Variants in NLGN1 observed in about 807,000 individuals in gnomAD.
The protein encoded by NLGN1 is neuroligin 1, also known as neuroligin-1.
Under a neutral mutation model 65.5 loss-of-function variants are expected in NLGN1, and 12 were observed. The ratio of observed to expected loss-of-function variants is 0.18; its 90% confidence interval spans 0.12 to 0.30. The LOEUF (loss-of-function observed/expected upper bound fraction) is 0.30. Among genes scored for constraint, NLGN1 ranks in the 10% least tolerant of loss-of-function variants. The pLI is 1.00. For missense variants in NLGN1, 750 were observed against 1,007.1 expected (o/e 0.74, Z 3.46); for synonymous variants, 350 against 359.5 (o/e 0.97, Z 0.30).
At chr3:173,535,704 A>G (rs1277530859) in intron 2 of NLGN1, among the ~76,000 whole-genome samples, 1 of 152,228 alleles carries the variant, frequency 6.6e-6, no homozygotes, top group Non-Finnish European at 1.5e-5. Flanking sequence ...TAATGGATTT[A>G]TACATTTTTA....
At chr3:173,970,807 T>G (rs535904887) in intron 4 of NLGN1, among the ~76,000 whole-genome samples, 28 of 152,260 alleles carry the variant, frequency 1.8e-4, no homozygotes, top group African/African-American at 6.3e-4. Context: ...GAGTAGCTGG[T>G]GCTGCTGATT....
intron 4 of NLGN1, among the ~76,000 whole-genome samples, chr3:174,168,507 T>C (rs528029818): frequency 1.3e-5 from 2 of 152,322 alleles, no homozygotes; most frequent in Admixed American, 6.5e-5. Flanking sequence ...TTTATAGCTC[T>C]ATGCACATCT....
intron 2 of NLGN1, among the ~76,000 whole-genome samples, chr3:173,461,064 A>G (rs1456170583): frequency 6.6e-6 from 1 of 152,172 alleles, no homozygotes; most frequent in Non-Finnish European, 1.5e-5. Context: ...TCTAGAAACT[A>G]TTGAGCACCA....
At chr3:174,173,895 G>C (rs1360607680) in intron 4 of NLGN1, among the ~76,000 whole-genome samples, 1 of 151,862 alleles carries the variant, frequency 6.6e-6, no homozygotes, top group Non-Finnish European at 1.5e-5. Context: ...TTATTTAGTG[G>C]TTATTTGTGA....
intron 4 of NLGN1, among the ~76,000 whole-genome samples, chr3:174,272,222 C>A (rs1170353451): frequency 6.6e-6 from 1 of 151,606 alleles, no homozygotes; most frequent in Non-Finnish European, 1.5e-5. Flanking sequence ...AATGACTGGA[C>A]TATAGTTGAG....
At chr3:173,805,105 C>T (rs1431865456) in intron 3 of NLGN1, among the ~76,000 whole-genome samples, 3 of 152,080 alleles carry the variant, frequency 2.0e-5, no homozygotes, top group African/African-American at 7.2e-5. Context: ...CATTTTTTTC[C>T]TGTAACAGAA....
chr3:173,773,511 G>T (rs1779877975), intron 3 of NLGN1, among the ~76,000 whole-genome samples: 1 of 151,968 alleles, frequency 6.6e-6, no homozygotes, highest in Admixed American at 6.6e-5. Context: ...AAAGTATAGT[G>T]CCATTATTGA....
chr3:174,263,364 C>T (rs1356087943), intron 4 of NLGN1, among the ~76,000 whole-genome samples: 1 of 148,030 alleles, frequency 6.8e-6, no homozygotes, highest in Non-Finnish European at 1.5e-5. Context: ...AATCTGGGTG[C>T]TCCTGTATTG....
chr3:174,232,203 T>G (rs1026412568), intron 4 of NLGN1, among the ~76,000 whole-genome samples: 3 of 151,526 alleles, frequency 2.0e-5, no homozygotes, highest in Non-Finnish European at 4.4e-5. Flanking sequence ...CAAAGGGGGG[T>G]TGTTCTCTGG....
At chr3:174,066,668 A>G (rs747770185) in intron 4 of NLGN1, among the ~76,000 whole-genome samples, 2 of 151,816 alleles carry the variant, frequency 1.3e-5, no homozygotes, top group Non-Finnish European at 2.9e-5. Context: ...ATCAACAAAT[A>G]TGTATTACAT....
At chr3:173,934,976 A>G (rs1028922171) in intron 4 of NLGN1, among the ~76,000 whole-genome samples, 12 of 152,140 alleles carry the variant, frequency 7.9e-5, no homozygotes, top group African/African-American at 2.6e-4. Context: ...AGGTATTATT[A>G]TTTCCATTAT....
chr3:174,265,400 C>T (rs934534325), intron 4 of NLGN1, among the ~76,000 whole-genome samples: 5 of 152,144 alleles, frequency 3.3e-5, no homozygotes, highest in African/African-American at 4.8e-5. Flanking sequence ...TTTTTTAAGC[C>T]GGTCCGAAAA....
chr3:173,827,957 C>A (rs71310563), intron 4 of NLGN1, among the ~76,000 whole-genome samples: 18,510 of 151,944 alleles, frequency 0.12, 1,203 homozygotes, highest in African/African-American at 0.16. Flanking sequence ...ATACTGATTT[C>A]AATGCTCATC....
intron 3 of NLGN1, among the ~76,000 whole-genome samples, chr3:173,713,467 T>C (rs1769326983): frequency 6.6e-6 from 1 of 152,090 alleles, no homozygotes. Context: ...AGGAGAAGAA[T>C]GGCACCAAAC....
intron 4 of NLGN1, among the ~76,000 whole-genome samples, chr3:173,954,301 G>T (rs1008160309): frequency 7.9e-5 from 12 of 152,084 alleles, no homozygotes; most frequent in Admixed American, 5.9e-4. Context: ...ATGAAGCACA[G>T]ATGTAATCAT....
At chr3:173,921,103 G>C (rs1741921879) in intron 4 of NLGN1, among the ~76,000 whole-genome samples, 1 of 149,700 alleles carries the variant, frequency 6.7e-6, no homozygotes. Flanking sequence ...AAAGCAATTT[G>C]GAATTTACAG....
At chr3:173,830,648 C>T (rs1224963688) in intron 4 of NLGN1, among the ~76,000 whole-genome samples, 1 of 152,076 alleles carries the variant, frequency 6.6e-6, no homozygotes, top group Non-Finnish European at 1.5e-5. Context: ...AAAAATCTCT[C>T]TTGTGGCATT....
chr3:174,054,746 C>G (rs745327461), intron 4 of NLGN1, among the ~76,000 whole-genome samples: 18 of 152,154 alleles, frequency 1.2e-4, no homozygotes, highest in Admixed American at 1.3e-4. Flanking sequence ...CACTGATACT[C>G]TAATGTTGTA....
intron 4 of NLGN1, among the ~76,000 whole-genome samples, chr3:174,049,079 C>T (rs1200031572): frequency 1.3e-5 from 2 of 151,926 alleles, no homozygotes; most frequent in Non-Finnish European, 2.9e-5. Flanking sequence ...ATTACACCTA[C>T]AAGACAAAGA....
Sources: allele counts gnomAD v4.1 joint callset (sites outside exome capture counted in the v4.1 genomes callset), GRCh38; gene constraint gnomAD v4.1.1; transcripts MANE v1.5; gene names NCBI Gene and HGNC (gene_info 2026-07-23, HGNC 2026-07-21).